GNB4: variants seen among roughly 807,000 people sequenced by gnomAD.
GNB4 encodes guanine nucleotide-binding protein subunit beta-4.
Under a neutral mutation model 45.2 loss-of-function variants are expected in GNB4, and 28 were observed. The observed-to-expected ratio is 0.62, with a 90% CI of 0.46 to 0.85. The LOEUF (loss-of-function observed/expected upper bound fraction) is 0.85. GNB4 is among the 40% of genes least tolerant of loss of function. The probability of loss-of-function intolerance (pLI) is 0.00; values close to 1 mark genes in which losing one functional copy is unlikely to be tolerated. For missense variants in GNB4, 321 were observed against 425.4 expected, an observed-to-expected ratio of 0.75 and a Z score of 2.16; for synonymous variants, 132 against 143.7, an observed-to-expected ratio of 0.92 and a Z score of 0.58.
intron 2 of GNB4, among the ~76,000 whole-genome samples, chr3:179,424,653 A>G (rs113779095): frequency 4.0e-4 from 61 of 152,282 alleles, no homozygotes; most frequent in African/African-American, 1.4e-3. Flanking sequence ...TTGTCCAGTT[A>G]GAATGCAGTG....
At chr3:179,485,315 G>A in the GNB4 span, among the ~76,000 whole-genome samples, 1 of 151,896 alleles carries the variant, frequency 6.6e-6, no homozygotes, top group Admixed American at 6.6e-5. Flanking sequence ...CCCGGCCCAT[G>A]GCAACTTTAT....
chr3:179,443,158 T>C (rs1715635390), intron 1 of GNB4, among the ~76,000 whole-genome samples: 1 of 152,208 alleles, frequency 6.6e-6, no homozygotes, highest in South Asian at 2.1e-4. Flanking sequence ...CTAACTCCGC[T>C]TCATAGGACA....
intron 8 of GNB4, among the ~76,000 whole-genome samples, chr3:179,412,009 T>G (rs1332290703): frequency 1.3e-5 from 2 of 152,220 alleles, no homozygotes; most frequent in African/African-American, 4.8e-5. Context: ...TCTGACCATT[T>G]GATAATCATT....
At chr3:179,424,127 G>A (rs1208170360) in intron 2 of GNB4, among the ~76,000 whole-genome samples, 1 of 152,218 alleles carries the variant, frequency 6.6e-6, no homozygotes, top group Non-Finnish European at 1.5e-5. Context: ...CTGAATCCTG[G>A]ATCTGTTACC....
chr3:179,452,266 A>G (rs1170699611), upstream of GNB4: 1 of 151,622 alleles, frequency 6.6e-6, no homozygotes, highest in Non-Finnish European at 1.5e-5. Flanking sequence ...TTAAAATGTC[A>G]TAAAATAAAT....
chr3:179,501,631 G>A, the GNB4 span, among the ~76,000 whole-genome samples: 1 of 151,954 alleles, frequency 6.6e-6, no homozygotes, highest in African/African-American at 2.4e-5. Context: ...GGTCCCAATT[G>A]CCTATTTCTT....
intron 1 of GNB4, among the ~76,000 whole-genome samples, chr3:179,441,553 G>A (rs2108618033): frequency 6.6e-6 from 1 of 152,110 alleles, no homozygotes; most frequent in Admixed American, 6.5e-5. Flanking sequence ...GGCCAACATG[G>A]TGAAACCCTG....
At chr3:179,450,463 A>C (rs1021151518) in intron 1 of GNB4, among the ~76,000 whole-genome samples, 2 of 152,220 alleles carry the variant, frequency 1.3e-5, no homozygotes, top group African/African-American at 2.4e-5. Flanking sequence ...CTAATCAACA[A>C]TTAAATTTTG....
At chr3:179,440,880 T>TAGATAGAGAGAG (rs1553769655) in intron 1 of GNB4, among the ~76,000 whole-genome samples, 2 of 149,126 alleles carry the variant, frequency 1.3e-5, no homozygotes, top group African/African-American at 4.9e-5. Context: ...TATAGATAGA[T>TAGATAGAGAGAG]AGAGAGAGAG....
the GNB4 span, among the ~76,000 whole-genome samples, chr3:179,480,143 ACACAG>A: frequency 6.6e-6 from 1 of 152,234 alleles, no homozygotes; most frequent in Non-Finnish European, 1.5e-5. Context: ...TGCAGTTACA[ACACAG>A]CAAGAAAGGC....
chr3:179,461,441 G>C, the GNB4 span, among the ~76,000 whole-genome samples: 1 of 150,878 alleles, frequency 6.6e-6, no homozygotes, highest in Admixed American at 6.6e-5. Context: ...AGCTTGCAGT[G>C]AGCCGAGATT....
chr3:179,456,865 T>C, the GNB4 span, among the ~76,000 whole-genome samples: 3 of 152,226 alleles, frequency 2.0e-5, no homozygotes, highest in African/African-American at 7.2e-5. Context: ...CATAACACTT[T>C]GGTTTTCTTA....
At chr3:179,417,245 A>G (rs1714826573) in intron 4 of GNB4, among the ~76,000 whole-genome samples, 1 of 152,150 alleles carries the variant, frequency 6.6e-6, no homozygotes, top group African/African-American at 2.4e-5. Context: ...AAATACACTG[A>G]GTGTTGTTTC....
At chr3:179,433,803 G>A (rs1715373381) in intron 1 of GNB4, among the ~76,000 whole-genome samples, 1 of 151,710 alleles carries the variant, frequency 6.6e-6, no homozygotes, top group Non-Finnish European at 1.5e-5. Flanking sequence ...TACTTCAAAT[G>A]AATCATTAAA....
At chr3:179,499,824 A>G in the GNB4 span, among the ~76,000 whole-genome samples, 3,175 of 152,264 alleles carry the variant, frequency 0.021, 50 homozygotes, top group South Asian at 0.079. Context: ...CATTTCTCTA[A>G]TGACTAGTGA....
Position 179,401,123 on chromosome 3 carries a change from G to T in GNB4, c.*90C>A. 1.4e-6 allele frequency: 1 copy of T among 719,334 alleles called. No homozygotes were observed. The highest frequency in any genetic ancestry group is 2.1e-6 in the Non-Finnish European group (1 of 483,954). The allele number at this position is 719,334 out of a possible 1,614,324, so 44.6% of individuals were successfully genotyped here. On this transcript the variant is annotated 3_prime_UTR_variant, in exon 10 of 10. Coordinates refer to ENST00000232564, the MANE Select transcript of GNB4 (RefSeq NM_021629.4). ...TAATCTAATAGAAAAATCTTCACCT[G>T]CAAATATAAGGTAGAATTTTTTCAC... is the stretch of plus-strand genomic sequence containing the variant.
At chr3:179,524,768 C>T in the GNB4 span, among the ~76,000 whole-genome samples, 1 of 152,058 alleles carries the variant, frequency 6.6e-6, no homozygotes, top group Non-Finnish European at 1.5e-5. Context: ...TAAACGCTAA[C>T]TGATTTGGGA....
the GNB4 span, among the ~76,000 whole-genome samples, chr3:179,522,543 G>T: frequency 6.7e-6 from 1 of 150,138 alleles, no homozygotes; most frequent in African/African-American, 2.5e-5. Context: ...AAGAGTGAGG[G>T]CCTGAGTTAA....
intron 5 of GNB4, among the ~76,000 whole-genome samples, chr3:179,415,836 GCTAGCTTTAAAATCT>G (rs1461990172): frequency 6.6e-6 from 1 of 151,980 alleles, no homozygotes; most frequent in Non-Finnish European, 1.5e-5. Flanking sequence ...AATTGTCTTA[GCTAGCTTTAAAATCT>G]CAATCAGGTT....
Sources: allele counts gnomAD v4.1 joint callset (sites outside exome capture counted in the v4.1 genomes callset), GRCh38; gene constraint gnomAD v4.1.1; transcripts MANE v1.5; gene names NCBI Gene and HGNC (gene_info 2026-07-23, HGNC 2026-07-21).